PKD1L3: variants seen among roughly 807,000 people sequenced by gnomAD.
PKD1L3 encodes polycystin 1 like 3, transient receptor potential channel interacting.
Under a neutral mutation model 184.1 loss-of-function variants are expected in PKD1L3, and 239 were observed. The ratio of observed to expected loss-of-function variants is 1.30; its 90% CI spans 1.17 to 1.45. The LOEUF is 1.45. PKD1L3 is among the 40% of genes most tolerant of loss of function. PKD1L3 has a pLI of 0.00. For missense variants in PKD1L3, 2,660 were observed against 2,067.2 expected (o/e 1.29, Z -5.56); for synonymous variants, 996 against 778.8 (o/e 1.28, Z -4.64).
In PKD1L3 at chr16:71,999,679, C is replaced by G; in HGVS notation, c.295+5G>C. The G allele has an allele frequency of 6.5e-7, 1 of 1,535,770 alleles. No homozygotes were observed. The highest frequency in any genetic ancestry group is 8.8e-7 in the Non-Finnish European group (1 of 1,137,182). On this transcript the variant is annotated splice_donor_5th_base_variant and intron_variant, in intron 1 of 29. Transcript: ENST00000620267. ...CTTCATAAACACTGAACCCCAGGGT[C>G]TTACCTGGGTATTTGTTGTCTTGAT...
Position 71,968,114 on chromosome 16 carries a change from C to G in PKD1L3, c.2185-107G>C, listed in dbSNP as rs2039570053. ...ATGAACTCCGGCAGGTGTCTGGCAG[C>G]CCTGCAGAAAGCAGGGCTGAGGTGT... On this transcript the variant is annotated intron_variant, in intron 13 of 29. Coordinates refer to ENST00000620267, the MANE Select transcript of PKD1L3 (RefSeq NM_181536.2). 4.6e-6 allele frequency: 4 copies of G among 861,908 alleles called. No individual in the cohort carries two copies. In the Admixed American group the frequency reaches 1.1e-4, roughly 23 times the overall value. 53.4% of individuals were successfully genotyped at this position (861,908 alleles called of 1,614,324 possible). A position where few individuals can be genotyped will look rare whatever the true frequency, so the allele number is the denominator to read the frequency against.
At chr16:71,975,107 G>A (rs1456340212) in intron 11 of PKD1L3, among the ~76,000 whole-genome samples, 2 of 152,058 alleles carry the variant, frequency 1.3e-5, no homozygotes, top group African/African-American at 2.4e-5. Flanking sequence ...CCAGGCTGGA[G>A]TGCAGTGGTA....
chr16:71,973,465 G>A lies in PKD1L3; in HGVS notation c.1812C>T (p.Gly604=), dbSNP rs371220370. The part of the protein sequence containing the change: ...LNPEHLQHGI[G]TYYITAVLSE... ...TCAGCACAGCTGTTATATAGTAGGT[G>A]CCAATCCCGTGCTGCAGATGCTCTG... Residue 604 remains glycine, a synonymous_variant, in exon 12 of 30, where the codon GGC becomes GGT. Transcript: ENST00000620267. 2.2e-5 allele frequency: 34 copies of A among 1,551,702 alleles called. No homozygotes were observed. Among genetic ancestry groups the A allele is most frequent in the African/African-American group, 2.7e-5 (2 of 73,048 alleles).
chr16:71,932,816 G>C (rs1214725849), intron 28 of PKD1L3, among the ~76,000 whole-genome samples: 1 of 113,224 alleles, frequency 8.8e-6, no homozygotes, highest in African/African-American at 3.5e-5. Context: ...AATTTAAATA[G>C]ACATAGGGTC....
At chr16:71,981,176 A>G (rs1036961942) in intron 7 of PKD1L3, among the ~76,000 whole-genome samples, 1 of 152,178 alleles carries the variant, frequency 6.6e-6, no homozygotes, top group Non-Finnish European at 1.5e-5. Flanking sequence ...CTATTAAACC[A>G]TGCTGCTACA....
intron 19 of PKD1L3, 43 bp from the exon 20 acceptor site, chr16:71,950,353 A>C: frequency 6.9e-7 from 1 of 1,439,928 alleles, no homozygotes; most frequent in Non-Finnish European, 9.4e-7. Flanking sequence ...AGTGGATTTC[A>C]ATAAGAAGCA....
intron 16 of PKD1L3, among the ~76,000 whole-genome samples, chr16:71,957,201 T>C (rs2039080066): frequency 6.6e-6 from 1 of 152,176 alleles, no homozygotes; most frequent in Non-Finnish European, 1.5e-5. Flanking sequence ...AAGGCAGTGA[T>C]GTCCTCTGGG....
In PKD1L3 at chr16:71,977,344, G is replaced by T; in HGVS notation, c.1651C>A (p.Pro551Thr). The part of the protein sequence containing the change: ...LEKSLIVSID[P>T]DSPLLMTLYL... ...AGTGTCATTAAAAGGGGACTGTCAG[G>T]ATCTATGCTCACTATCAAGGATTTC... The change falls in exon 11 of 30, where the codon CCT becomes ACT. Residue 551 changes from proline to threonine, a missense_variant. Coordinates refer to ENST00000620267, the MANE Select transcript of PKD1L3 (RefSeq NM_181536.2). 1 of 1,547,948 alleles carries T rather than the reference G, an allele frequency of 6.5e-7. No individual in the cohort carries two copies. The highest frequency in any genetic ancestry group is 8.7e-7 in the Non-Finnish European group (1 of 1,143,610).
chr16:71,948,254 T>C (rs1464932097), intron 21 of PKD1L3, among the ~76,000 whole-genome samples: 1 of 152,174 alleles, frequency 6.6e-6, no homozygotes, highest in African/African-American at 2.4e-5. Context: ...GGCTAATTTT[T>C]ATATTTTTAG....
intron 16 of PKD1L3, among the ~76,000 whole-genome samples, chr16:71,957,241 G>A (rs2039082054): frequency 6.6e-6 from 1 of 152,038 alleles, no homozygotes; most frequent in Non-Finnish European, 1.5e-5. Flanking sequence ...GTGGGTAACT[G>A]TTGAACCCCA....
chr16:71,943,311 C>T (rs2038427157), intron 23 of PKD1L3, among the ~76,000 whole-genome samples: 1 of 151,882 alleles, frequency 6.6e-6, no homozygotes, highest in Admixed American at 6.6e-5. Flanking sequence ...CTGAGACGGG[C>T]AGATCACCTG....
At chr16:71,992,644 A>T (rs1347605380) in intron 3 of PKD1L3, among the ~76,000 whole-genome samples, 1 of 152,220 alleles carries the variant, frequency 6.6e-6, no homozygotes, top group Non-Finnish European at 1.5e-5. Context: ...TTTGTTCTTT[A>T]AATATATATT....
intron 21 of PKD1L3, among the ~76,000 whole-genome samples, chr16:71,949,023 G>T (rs1316975511): frequency 6.6e-6 from 1 of 151,922 alleles, no homozygotes; most frequent in Non-Finnish European, 1.5e-5. Flanking sequence ...TGAAGTACAT[G>T]AAATGGATAA....
rs1394877488 is a variant in PKD1L3 at position 71,953,082 on chromosome 16, C to G, written c.2821G>C (p.Ala941Pro). The change falls in exon 18 of 30, where the codon GCT becomes CCT. Residue 941 changes from alanine (A) to proline (P), a missense_variant. By Grantham distance (27) the Ala-to-Pro change is conservative. Coordinates refer to ENST00000620267, the MANE Select transcript of PKD1L3 (RefSeq NM_181536.2). ...AKRDEQMRPFAVAWSELLVSI... is the reference protein window; with the variant it reads ...AKRDEQMRPFPVAWSELLVSI... ...ACCAGCAGTTCAGACCAGGCCACAG[C>G]AAATGGACGCACTGAAAGAAAAGCA... The G allele has an allele frequency of 6.9e-7, 1 of 1,459,416 alleles. No individual in the cohort carries two copies. Among genetic ancestry groups the G allele is most frequent in the African/African-American group, 1.5e-5 (1 of 67,768 alleles). The allele number at this position is 1,459,416 out of a possible 1,614,324, so 90.4% of individuals were successfully genotyped here.
Position 71,979,802 on chromosome 16 carries a change from G to T in PKD1L3, c.1382C>A (p.Pro461Gln). The T allele has an allele frequency of 2.7e-6, 4 of 1,507,718 alleles. No individual in the cohort carries two copies. Among genetic ancestry groups the T allele is most frequent in the African/African-American group, 1.4e-5 (1 of 70,384 alleles). 93.4% of individuals were successfully genotyped at this position (1,507,718 alleles called of 1,614,324 possible). ...LALKELLNKH[P>Q]GVNVQITGLA... ...CACACTCACTTGGACATTAACTCCT[G>T]GATGTTTATTCAAGAGCTCCTTCAA... Residue 461 changes from proline to glutamine, a missense_variant, in exon 9 of 30, where the codon CCA becomes CAA. Coordinates refer to ENST00000620267, the MANE Select transcript of PKD1L3 (RefSeq NM_181536.2).
At chr16:71,985,339 T>C (rs1284438531) in intron 5 of PKD1L3, among the ~76,000 whole-genome samples, 1 of 152,108 alleles carries the variant, frequency 6.6e-6, no homozygotes, top group Non-Finnish European at 1.5e-5. Context: ...CAACTGCATA[T>C]AAACAGGGCT....
intron 12 of PKD1L3, among the ~76,000 whole-genome samples, chr16:71,970,750 G>A (rs1018620579): frequency 4.6e-5 from 7 of 152,176 alleles, no homozygotes; most frequent in Non-Finnish European, 1.0e-4. Context: ...AGAGGTTGCA[G>A]TGAGCCCAGA....
intron 3 of PKD1L3, among the ~76,000 whole-genome samples, chr16:71,991,503 A>G (rs1192927948): frequency 6.6e-6 from 1 of 152,240 alleles, no homozygotes; most frequent in Non-Finnish European, 1.5e-5. Context: ...GGGAGGGAAT[A>G]CTGAGCAGAT....
intron 26 of PKD1L3, 110 bp from the exon 27 acceptor site, chr16:71,934,235 ATGCT>A: frequency 1.0e-6 from 1 of 965,076 alleles, no homozygotes; most frequent in South Asian, 1.5e-5. Flanking sequence ...GTGAGGTCAA[ATGCT>A]TGTTGATGTG....
Sources: gnomAD v4.1 joint callset for allele counts (sites outside exome capture counted in the v4.1 genomes callset) on GRCh38, gnomAD v4.1.1 for gene constraint, MANE v1.5 for transcripts, NCBI Gene and HGNC (gene_info 2026-07-23, HGNC 2026-07-21) for gene names.